The following LRRC27 variants were observed in gnomAD, a reference collection of about 807,000 sequenced individuals.
LRRC27 encodes the protein leucine rich repeat containing 27.
In LRRC27, 57 loss-of-function variants were observed where a neutral mutation model predicts 55.0. That is an observed-to-expected ratio of 1.04 (90% CI 0.84 to 1.29). LRRC27 has a LOEUF of 1.29. Among genes scored for constraint, LRRC27 ranks in the 50% most tolerant of loss-of-function variants. The pLI, the probability that LRRC27 is intolerant of heterozygous loss-of-function variation, is 0.00. For missense variants in LRRC27, 721 were observed against 651.5 expected (o/e 1.11, Z -1.16); for synonymous variants, 278 against 251.9 (o/e 1.10, Z -0.98).
At chr10:132,346,452 GGATCACGAGGTCA>G (rs1244027258) in intron 5 of LRRC27, among the ~76,000 whole-genome samples, 1 of 152,076 alleles carries the variant, frequency 6.6e-6, no homozygotes, top group Non-Finnish European at 1.5e-5. Context: ...CGAGGCGGGC[GGATCACGAGGTCA>G]GGAGATTGAG....
At chr10:132,331,387 T>C (rs1398298512), upstream of LRRC27, 4 of 1,551,722 alleles carry the variant, frequency 2.6e-6, no homozygotes. Context: ...CCGCCCGGTG[T>C]CATTTCATCT....
At position 132,351,659 on chromosome 10, in the gene LRRC27, C is replaced by T; in HGVS notation, c.979C>T (p.Gln327Ter). 6.2e-7 allele frequency: 1 copy of T among 1,614,118 alleles called. No homozygotes were observed. Among genetic ancestry groups the T allele is most frequent in the Non-Finnish European group, 8.5e-7 (1 of 1,180,042 alleles). ...CTTACCCGACCTCTTGTCACCGTAC[C>T]AAATGGCGATCCGAGCAAAAAGACT... The part of the protein sequence containing the change: ...SILPDLLSPY[Q>*]MAIRAKRLEE... Residue 327 changes from glutamine to a stop codon, truncating the protein, a stop_gained, in exon 7 of 11, where the codon CAA becomes TAA. Transcript: ENST00000368614. LOFTEE classifies it high-confidence loss of function.
rs1419243736 is a variant in LRRC27, at chr10:132,337,186, C to T, written c.211-379C>T. On this transcript the variant is annotated intron_variant, in intron 2 of 10. Transcript: ENST00000368614. ...TATTTGCTCAGTAAGCAGGCGATTT[C>T]GGGGGCTGCCGAGGGCCAGGTGCTG... is the stretch of plus-strand genomic sequence containing the variant. 44 of 1,168,346 alleles carry T rather than the reference C, an allele frequency of 3.8e-5. No individual in the cohort carries two copies. In the East Asian group the frequency reaches 8.6e-4, roughly 23 times the overall value. The allele number at this position is 1,168,346 out of a possible 1,614,324, so 72.4% of individuals were successfully genotyped here. A position where few individuals can be genotyped will look rare whatever the true frequency, so the allele number is the denominator to read the frequency against.
intron 5 of LRRC27, among the ~76,000 whole-genome samples, chr10:132,345,532 T>C (rs1410505542): frequency 6.6e-6 from 1 of 152,214 alleles, no homozygotes; most frequent in African/African-American, 2.4e-5. Flanking sequence ...GTGGCTGCAT[T>C]GGGGCATTGC....
intron 9 of LRRC27, among the ~76,000 whole-genome samples, chr10:132,364,135 A>T (rs2068787362): frequency 6.6e-6 from 1 of 151,924 alleles, no homozygotes. Flanking sequence ...CCCTGACCTG[A>T]GGGCTCTGTT....
intron 7 of LRRC27, among the ~76,000 whole-genome samples, chr10:132,355,584 G>C (rs564544786): frequency 1.5e-4 from 23 of 152,306 alleles, no homozygotes; most frequent in African/African-American, 5.5e-4. Context: ...ACAGAGCCTC[G>C]GGATAGAACC....
In LRRC27 at chr10:132,351,646, C is replaced by T. The variant is rs769603261; in HGVS notation, c.966C>T (p.Leu322=). The T allele has an allele frequency of 6.2e-7, 1 of 1,614,174 alleles. No individual in the cohort carries two copies. The change falls in exon 7 of 11, where the codon CTC becomes CTT. Residue 322 remains leucine, a synonymous_variant. Coordinates refer to ENST00000368614, the MANE Select transcript of LRRC27 (RefSeq NM_030626.3). ...TASSRSILPD[L]LSPYQMAIRA... is the part of the protein sequence containing the mutation. ...CCTCCAGGAGCATCTTACCCGACCT[C>T]TTGTCACCGTACCAAATGGCGATCC...
At chr10:132,331,221 A>AAAAAC, upstream of LRRC27, among the ~76,000 whole-genome samples, 1 of 150,608 alleles carries the variant, frequency 6.6e-6, no homozygotes, top group Non-Finnish European at 1.5e-5. Flanking sequence ...AAAAAAAAAA[A>AAAAAC]AAAGTGAAAT....
chr10:132,334,531 G>A (rs567372512), intron 2 of LRRC27, among the ~76,000 whole-genome samples: 3 of 152,274 alleles, frequency 2.0e-5, no homozygotes, highest in Non-Finnish European at 2.9e-5. Context: ...GTAAGCCACC[G>A]CACCTGGCCA....
chr10:132,344,626 C>A lies in LRRC27; in HGVS notation c.529C>A (p.Leu177Ile). Reference protein sequence around the residue: ...FLRMWAVEHSLPRNPTSQEAP... With the variant: ...FLRMWAVEHSIPRNPTSQEAP... ...GCGGATGTGGGCAGTAGAACACTCT[C>A]TCCCCAGAAATCCAACTTCTCAAGG... is the stretch of plus-strand genomic sequence containing the variant. The change falls in exon 5 of 11, where the codon CTC becomes ATC. Residue 177 changes from leucine to isoleucine, a missense_variant. Coordinates refer to ENST00000368614, the MANE Select transcript of LRRC27 (RefSeq NM_030626.3). 1 of 1,613,988 alleles carries A rather than the reference C, an allele frequency of 6.2e-7. No individual in the cohort carries two copies. Among genetic ancestry groups the A allele is most frequent in the Non-Finnish European group, 8.5e-7 (1 of 1,179,880 alleles).
At chr10:132,342,293 G>A in intron 4 of LRRC27, 22 bp downstream of exon 4, 2 of 1,428,350 alleles carry the variant, frequency 1.4e-6, no homozygotes, top group Non-Finnish European at 1.9e-6. Context: ...ATAATAAAAA[G>A]ATGATTTTAA....
chr10:132,355,707 A>C, intron 7 of LRRC27, 83 bp from the exon 8 acceptor site: 1 of 1,076,880 alleles, frequency 9.3e-7, no homozygotes, highest in South Asian at 1.4e-5. Flanking sequence ...GGTGCACCGC[A>C]AGGCTGTAGA....
rs373482170 is a variant in LRRC27, at chr10:132,351,781, A to T, written c.1073+28A>T. The T allele has an allele frequency of 2.5e-6, 4 of 1,587,578 alleles. No homozygotes were observed. In the Admixed American group the frequency reaches 7.4e-5, roughly 29 times the overall value. ...GAGTCCACACAGGGTGGGGGTCCGC[A>T]CAGCCCGCCCAGTGCACCCGGAACT... On this transcript the variant is annotated intron_variant, in intron 7 of 10. Coordinates refer to ENST00000368614, the MANE Select transcript of LRRC27 (RefSeq NM_030626.3).
At chr10:132,362,997 G>A (rs1210513719) in intron 9 of LRRC27, among the ~76,000 whole-genome samples, 1 of 125,472 alleles carries the variant, frequency 8.0e-6, no homozygotes, top group Non-Finnish European at 1.7e-5. Flanking sequence ...ACAGCAGCTC[G>A]GGGGTCTGGG....
rs1005099776 is a variant in LRRC27 at position 132,379,796 on chromosome 10, G to A, written c.*4554G>A. On this transcript the variant is annotated 3_prime_UTR_variant, in exon 11 of 11. Transcript: ENST00000368614. ...TGTATAAGTTGACCCTTGAACAAGA[G>A]TTTGAATTATAAGGGTCCACTTATA... is the stretch of plus-strand genomic sequence containing the variant. 1 of 151,986 alleles carries A rather than the reference G, an allele frequency of 6.6e-6. No individual in the cohort carries two copies. The highest frequency in any genetic ancestry group is 2.1e-4 in the South Asian group (1 of 4,810). The allele number at this position is 151,986 out of a possible 1,614,324, so 9.4% of individuals were successfully genotyped here.
chr10:132,336,823 A>G, intron 2 of LRRC27: 2 of 761,018 alleles, frequency 2.6e-6, no homozygotes, highest in Non-Finnish European at 4.8e-6. Context: ...AAATACATAT[A>G]ATAATGTGAG....
chr10:132,361,735 G>T, intron 9 of LRRC27, 160 bp downstream of exon 9: 2 of 614,444 alleles, frequency 3.3e-6, no homozygotes, highest in Admixed American at 2.9e-5. Flanking sequence ...GTGGGCTCCA[G>T]GGAGAGCCAG....
chr10:132,359,956 A>G (rs968443912), intron 8 of LRRC27, among the ~76,000 whole-genome samples: 1 of 152,206 alleles, frequency 6.6e-6, no homozygotes, highest in African/African-American at 2.4e-5. Context: ...TGCTCACTCA[A>G]GAGCTGGATG....
Position 132,372,523 on chromosome 10 carries a change from G to T in LRRC27, c.1417-2543G>T, listed in dbSNP as rs1409182287. On this transcript the variant is annotated intron_variant, in intron 10 of 10. Transcript: ENST00000368614. The surrounding 1 kb of genome is among the most constrained non-coding windows in gnomAD (Gnocchi z 4.0). ...GCAGAGGTTGCAGTGAGCTGAGATG[G>T]CACCATCGCACTCCAGCCTGGGCAA... Among the ~76,000 whole-genome samples, 1 of 152,182 alleles carries T rather than the reference G, an allele frequency of 6.6e-6. No homozygotes were observed. Among genetic ancestry groups the T allele is most frequent in the Non-Finnish European group, 1.5e-5 (1 of 68,032 alleles).
Sources: gnomAD v4.1 joint callset for allele counts (sites outside exome capture counted in the v4.1 genomes callset) on GRCh38, gnomAD v4.1.1 for gene constraint, Gnocchi (gnomAD v3.1) non-coding constraint, MANE v1.5 for transcripts, NCBI Gene and HGNC (gene_info 2026-07-23, HGNC 2026-07-21) for gene names.